STK32B: variants seen among roughly 807,000 people sequenced by gnomAD.
STK32B encodes serine/threonine-protein kinase 32B.
In STK32B, 43 loss-of-function variants were observed where a neutral mutation model predicts 52.6. The observed-to-expected ratio is 0.82, with a 90% CI of 0.64 to 1.05. The LOEUF (loss-of-function observed/expected upper bound fraction) is 1.05, where lower values mean the gene tolerates loss of function less well. STK32B is among the 50% of genes least tolerant of loss of function. The probability of loss-of-function intolerance (pLI) is 0.00; values close to 1 mark genes in which losing one functional copy is unlikely to be tolerated. For synonymous variants in STK32B, 238 were observed against 204.3 expected, an observed-to-expected ratio of 1.17 and a Z score of -1.41; for missense variants, 621 against 534.6, an observed-to-expected ratio of 1.16 and a Z score of -1.59.
In STK32B at chr4:5,135,532, T is replaced by C. The variant is rs189371713; in HGVS notation, c.53-4373T>C. Among the ~76,000 whole-genome samples the C allele has an allele frequency of 1.8e-3, 277 of 152,342 alleles. 2 individuals are homozygous for C. The highest frequency in any genetic ancestry group is 5.3e-3 in the Admixed American group (81 of 15,306). On this transcript the variant is annotated intron_variant, in intron 1 of 11. Coordinates refer to ENST00000282908, the MANE Select transcript of STK32B (RefSeq NM_018401.3). ...AGAAAAGAATGTTTCTAGCTTCTAG[T>C]AATAGACAACCTGACCCACTGAACA... is the stretch of plus-strand genomic sequence containing the variant.
rs560816762 is a variant in STK32B at position 5,467,116 on chromosome 4, A to G, written c.1041+282A>G. On this transcript the variant is annotated intron_variant, in intron 10 of 11. Coordinates refer to ENST00000282908, the MANE Select transcript of STK32B (RefSeq NM_018401.3). This position sits in a 1 kb window ranked among gnomAD's most constrained non-coding sequence, Gnocchi z 5.8. ...CGGTCCCACTGCGCCCTTGAGAAAG[A>G]TTTTGTACCGCAGAGGCCCCCAGGG... 1.7e-4 allele frequency among the ~76,000 whole-genome samples: 25 copies of G among 143,648 alleles called. No homozygotes were observed. The highest frequency in any genetic ancestry group is 3.6e-4 in the Non-Finnish European group (23 of 64,130). The allele number at this position is 143,648 out of a possible 152,430, so 94.2% of individuals were successfully genotyped here. A position where few individuals can be genotyped will look rare whatever the true frequency, so the allele number is the denominator to read the frequency against.
the STK32B span, among the ~76,000 whole-genome samples, chr4:5,043,104 C>G: frequency 8.9e-6 from 1 of 112,466 alleles, no homozygotes. Context: ...CAGAGCGAGA[C>G]TCCGTCTCAA....
intron 3 of STK32B, among the ~76,000 whole-genome samples, chr4:5,184,857 G>A (rs969779840): frequency 6.6e-6 from 1 of 152,204 alleles, no homozygotes; most frequent in Non-Finnish European, 1.5e-5. Context: ...CTTGATGCAG[G>A]GTTGCCGTGC....
intron 1 of STK32B, among the ~76,000 whole-genome samples, chr4:5,097,830 A>G (rs1404644998): frequency 6.6e-6 from 1 of 152,224 alleles, no homozygotes; most frequent in Non-Finnish European, 1.5e-5. Flanking sequence ...CCTAAAACCC[A>G]ATGGCTTAAA....
intron 3 of STK32B, among the ~76,000 whole-genome samples, chr4:5,317,434 T>C (rs1223228608): frequency 3.3e-5 from 1 of 29,864 alleles, no homozygotes; most frequent in Admixed American, 3.6e-4. Context: ...TACATATATA[T>C]TACATATATA....
At chr4:5,021,065 C>G in the STK32B span, among the ~76,000 whole-genome samples, 1 of 152,190 alleles carries the variant, frequency 6.6e-6, no homozygotes, top group Admixed American at 6.5e-5. Context: ...AGCATGGCAT[C>G]CTGGACACAG....
At chr4:5,261,836 C>A (rs573259275) in intron 3 of STK32B, among the ~76,000 whole-genome samples, 1 of 152,286 alleles carries the variant, frequency 6.6e-6, no homozygotes, top group Admixed American at 6.5e-5. Context: ...ACCAGATCTG[C>A]ATTTTATTAG....
intron 11 of STK32B, among the ~76,000 whole-genome samples, chr4:5,479,161 C>T (rs1459528704): frequency 1.3e-5 from 2 of 150,800 alleles, no homozygotes; most frequent in African/African-American, 4.9e-5. Flanking sequence ...GTTCTGTCAC[C>T]CAGGCTGGAG....
chr4:5,489,597 C>A (rs1246939884), intron 11 of STK32B, among the ~76,000 whole-genome samples: 1 of 151,576 alleles, frequency 6.6e-6, no homozygotes, highest in East Asian at 2.0e-4. Context: ...ATTTCATTAA[C>A]AACAATTTTA....
chr4:5,122,427 A>AACCTACTTCACTCATTCACTCACTT (rs1715100911), intron 1 of STK32B, among the ~76,000 whole-genome samples: 2 of 146,356 alleles, frequency 1.4e-5, no homozygotes, highest in African/African-American at 5.2e-5. Context: ...TTCACTCATT[A>AACCTACTTCACTCATTCACTCACTT]ACCTACTTCA....
At chr4:5,245,845 G>T (rs1325570391) in intron 3 of STK32B, among the ~76,000 whole-genome samples, 3 of 152,106 alleles carry the variant, frequency 2.0e-5, no homozygotes, top group African/African-American at 7.2e-5. Context: ...TTAGTTTGGT[G>T]GGATATGAAA....
chr4:5,363,089 C>G (rs1734654637), intron 4 of STK32B, among the ~76,000 whole-genome samples: 2 of 152,220 alleles, frequency 1.3e-5, no homozygotes, highest in Admixed American at 6.5e-5. Flanking sequence ...TAACACATTT[C>G]TTCCACTAGG....
chr4:5,330,872 G>A (rs1241303638), intron 3 of STK32B, among the ~76,000 whole-genome samples: 4 of 152,182 alleles, frequency 2.6e-5, no homozygotes, highest in East Asian at 1.9e-4. Context: ...TAGCTCCTAC[G>A]AACAGTGACA....
chr4:5,466,368 A>G (rs1025166288), intron 9 of STK32B, among the ~76,000 whole-genome samples: 1 of 152,188 alleles, frequency 6.6e-6, no homozygotes, highest in Admixed American at 6.5e-5. Flanking sequence ...TGACAGGACA[A>G]TGTGCATAGG....
chr4:5,215,046 T>C (rs1179189760), intron 3 of STK32B, among the ~76,000 whole-genome samples: 4 of 152,234 alleles, frequency 2.6e-5, no homozygotes, highest in Admixed American at 6.5e-5. Context: ...GATGGATATA[T>C]TGAAAATCTA....
At chr4:5,133,537 A>G (rs1270006649) in intron 1 of STK32B, among the ~76,000 whole-genome samples, 1 of 152,180 alleles carries the variant, frequency 6.6e-6, no homozygotes, top group African/African-American at 2.4e-5. Flanking sequence ...TGGCACCTGG[A>G]TTCAGCAATG....
intron 1 of STK32B, among the ~76,000 whole-genome samples, chr4:5,077,860 G>T (rs1034891211): frequency 4.6e-5 from 7 of 152,122 alleles, no homozygotes; most frequent in African/African-American, 1.7e-4. Flanking sequence ...GGATGCTTTT[G>T]TCTTCAGGTA....
At chr4:5,178,103 A>G (rs1437247841) in intron 3 of STK32B, among the ~76,000 whole-genome samples, 1 of 152,228 alleles carries the variant, frequency 6.6e-6, no homozygotes, top group Non-Finnish European at 1.5e-5. Context: ...TTGCCCTAGC[A>G]GAGGTTCTCC....
rs534624078 is a variant in STK32B at position 5,105,663 on chromosome 4, A to G, written c.53-34242A>G. On this transcript the variant is annotated intron_variant, in intron 1 of 11. Transcript: ENST00000282908. ...ACTGCAAGCTCCGCCTCCCGGGTTCACGCCATTCTCCTGCCTCAGCCTCCC... is the reference window on the plus strand; with the variant it reads ...ACTGCAAGCTCCGCCTCCCGGGTTCGCGCCATTCTCCTGCCTCAGCCTCCC... Among the ~76,000 whole-genome samples the G allele has an allele frequency of 9.3e-4, 142 of 151,896 alleles. 1 individual carries two copies. The highest frequency in any genetic ancestry group is 1.9e-3 in the South Asian group (9 of 4,800).
Sources: gnomAD v4.1 joint callset for allele counts (sites outside exome capture counted in the v4.1 genomes callset) on GRCh38, gnomAD v4.1.1 for gene constraint, Gnocchi (gnomAD v3.1) non-coding constraint, MANE v1.5 for transcripts, NCBI Gene and HGNC (gene_info 2026-07-23, HGNC 2026-07-21) for gene names.